Variants in AP1S3 observed in about 807,000 individuals in gnomAD.
AP1S3 encodes the protein adaptor related protein complex 1 subunit sigma 3, also known as AP-1 complex subunit sigma-3.
AP1S3 carries 10 observed loss-of-function variants against 20.9 expected under a neutral mutation model. The ratio of observed to expected loss-of-function variants is 0.48; its 90% CI spans 0.29 to 0.81. The LOEUF (loss-of-function observed/expected upper bound fraction) is 0.81. Among genes scored for constraint, AP1S3 ranks in the 30% least tolerant of loss-of-function variants. The pLI is 0.08. For missense variants in AP1S3, 154 were observed against 183.8 expected (o/e 0.84, Z 0.94); for synonymous variants, 41 against 61.5 (o/e 0.67, Z 1.56).
At chr2:223,835,098 TG>T (rs1227460591) in intron 1 of AP1S3, among the ~76,000 whole-genome samples, 2 of 72,254 alleles carry the variant, frequency 2.8e-5, no homozygotes, top group Non-Finnish European at 7.0e-5. Flanking sequence ...GTAAAAGTCT[TG>T]GGGACTGCTG....
chr2:223,789,205 TAC>T (rs1296873133), intron 1 of AP1S3, among the ~76,000 whole-genome samples: 2 of 150,832 alleles, frequency 1.3e-5, no homozygotes, highest in African/African-American at 4.9e-5. Context: ...CATACACACA[TAC>T]ACACACACAG....
At chr2:223,775,853 C>T (rs1390081130) in intron 3 of AP1S3, 48 bp downstream of exon 3, 1 of 1,403,848 alleles carries the variant, frequency 7.1e-7, no homozygotes, top group South Asian at 1.2e-5. Flanking sequence ...GAAGTAAGAG[C>T]TGAGATGGGG....
intron 1 of AP1S3, among the ~76,000 whole-genome samples, chr2:223,780,342 G>A (rs1690906814): frequency 3.1e-5 from 4 of 129,606 alleles, no homozygotes; most frequent in African/African-American, 1.3e-4. Flanking sequence ...GAGAGAGAGA[G>A]AGAGAGAGAG....
intron 1 of AP1S3, among the ~76,000 whole-genome samples, chr2:223,799,799 GA>G (rs1428396896): frequency 6.6e-6 from 1 of 152,040 alleles, no homozygotes; most frequent in Non-Finnish European, 1.5e-5. Flanking sequence ...GAACCTAGGT[GA>G]AAAAAATCTT....
chr2:223,773,912 T>G (rs1158301634), intron 3 of AP1S3, among the ~76,000 whole-genome samples: 1 of 152,238 alleles, frequency 6.6e-6, no homozygotes, highest in African/African-American at 2.4e-5. Flanking sequence ...CTATCAAGTC[T>G]GGCCCACAGC....
At position 223,758,703 on chromosome 2, in the gene AP1S3, G is replaced by A; in HGVS notation, c.*12C>T. On this transcript the variant is annotated 3_prime_UTR_variant, in exon 5 of 5. Transcript: ENST00000396654. Reference sequence around the variant, plus strand: ...TAACATGTAGTGCTGGAGTCTTCAAGTAGATTTCCAGTTAAAATGTAGGCT... The same window carrying A: ...TAACATGTAGTGCTGGAGTCTTCAAATAGATTTCCAGTTAAAATGTAGGCT... 1 of 1,607,438 alleles carries A rather than the reference G, an allele frequency of 6.2e-7. No homozygotes were observed. The highest frequency in any genetic ancestry group is 8.5e-7 in the Non-Finnish European group (1 of 1,177,154).
At chr2:223,814,356 C>T (rs190738711) in intron 1 of AP1S3, among the ~76,000 whole-genome samples, 36 of 152,308 alleles carry the variant, frequency 2.4e-4, no homozygotes, top group Non-Finnish European at 4.0e-4. Flanking sequence ...ACGTTCTGTT[C>T]TGCCCCATCT....
chr2:223,778,866 T>G (rs1690856803), intron 1 of AP1S3, among the ~76,000 whole-genome samples: 1 of 151,986 alleles, frequency 6.6e-6, no homozygotes, highest in Non-Finnish European at 1.5e-5. Context: ...TCAGCTAATT[T>G]TGCTGTGTTT....
At chr2:223,802,650 C>A (rs1020624734) in intron 1 of AP1S3, among the ~76,000 whole-genome samples, 2 of 152,048 alleles carry the variant, frequency 1.3e-5, no homozygotes, top group Admixed American at 6.6e-5. Context: ...AAATCCCAAA[C>A]GCACCAAAGC....
intron 2 of AP1S3, 104 bp from the exon 3 acceptor site, chr2:223,776,113 TC>T (rs1690778233): frequency 2.5e-6 from 2 of 788,156 alleles, no homozygotes; most frequent in Non-Finnish European, 4.4e-6. Flanking sequence ...GCCGAGCCTC[TC>T]CTCATCCAAG....
intron 1 of AP1S3, among the ~76,000 whole-genome samples, chr2:223,823,554 A>G (rs1372829224): frequency 1.3e-5 from 2 of 152,210 alleles, no homozygotes; most frequent in Non-Finnish European, 2.9e-5. Context: ...AGAAGCAGAG[A>G]GAGAGTAGAA....
chr2:223,775,756 C>T (rs1301609235), intron 3 of AP1S3, 145 bp downstream of exon 3: 2 of 652,140 alleles, frequency 3.1e-6, no homozygotes, highest in African/African-American at 1.8e-5. Context: ...GTATTCTAAT[C>T]TTAGGGGGAC....
intron 1 of AP1S3, among the ~76,000 whole-genome samples, chr2:223,786,649 G>A (rs1691084955): frequency 6.6e-6 from 1 of 152,066 alleles, no homozygotes; most frequent in South Asian, 2.1e-4. Flanking sequence ...AGGTGTGGTG[G>A]CTCACACTTT....
chr2:223,837,309 G>T (rs1574740149), intron 1 of AP1S3, 139 bp downstream of exon 1: 1 of 371,986 alleles, frequency 2.7e-6, no homozygotes, highest in South Asian at 1.3e-4. Context: ...GGGCCACAGG[G>T]ACGCACGGTT....
chr2:223,776,662 G>T (rs1371806332), intron 2 of AP1S3, among the ~76,000 whole-genome samples: 1 of 152,108 alleles, frequency 6.6e-6, no homozygotes, highest in Non-Finnish European at 1.5e-5. Flanking sequence ...CCTGGCTTAG[G>T]CATCAATTAC....
At chr2:223,789,377 A>C (rs559601175) in intron 1 of AP1S3, among the ~76,000 whole-genome samples, 47 of 152,144 alleles carry the variant, frequency 3.1e-4, no homozygotes, top group Admixed American at 5.2e-4. Context: ...GACCCCCCCC[A>C]AAAAAATAGA....
chr2:223,790,164 C>G (rs1443236722), intron 1 of AP1S3, among the ~76,000 whole-genome samples: 3 of 151,736 alleles, frequency 2.0e-5, no homozygotes, highest in African/African-American at 7.3e-5. Context: ...GCCAAATTAT[C>G]CATCAAGAGA....
Position 223,837,484 on chromosome 2 carries a change from G to T in AP1S3, c.-34C>A. ...GGCCGCCGCCTCCCCCGCCTTGCGA[G>T]CAAGGAGCGCTGGAGAAGCGAGGGC... On this transcript the variant is annotated 5_prime_UTR_variant, in exon 1 of 5. Transcript: ENST00000396654. 1.2e-5 allele frequency: 15 copies of T among 1,280,390 alleles called. No homozygotes were observed. The highest frequency in any genetic ancestry group is 1.5e-5 in the Non-Finnish European group (15 of 1,010,690). The allele number at this position is 1,280,390 out of a possible 1,614,324, so 79.3% of individuals were successfully genotyped here. A position where few individuals can be genotyped will look rare whatever the true frequency, so the allele number is the denominator to read the frequency against.
Position 223,758,018 on chromosome 2 carries a change from T to C in AP1S3, c.*697A>G, listed in dbSNP as rs1199681206. On this transcript the variant is annotated 3_prime_UTR_variant, in exon 5 of 5. Transcript: ENST00000396654. ...TAAATATATAGTTCATAGAAAACCTTATTGGAATGTCCCTTATATTCAATT... is the reference window on the plus strand; with the variant it reads ...TAAATATATAGTTCATAGAAAACCTCATTGGAATGTCCCTTATATTCAATT... The C allele has an allele frequency of 6.2e-6, 6 of 974,520 alleles. No individual in the cohort carries two copies. The highest frequency in any genetic ancestry group is 7.3e-6 in the Non-Finnish European group (6 of 820,026). The allele number at this position is 974,520 out of a possible 1,614,324, so 60.4% of individuals were successfully genotyped here.
Sources: allele counts gnomAD v4.1 joint callset (sites outside exome capture counted in the v4.1 genomes callset), GRCh38; gene constraint gnomAD v4.1.1; transcripts MANE v1.5; gene names NCBI Gene and HGNC (gene_info 2026-07-23, HGNC 2026-07-21).